Variants in DSCAML1 observed in about 807,000 individuals in gnomAD.
The protein encoded by DSCAML1 is cell adhesion molecule DSCAML1.
A neutral mutation model predicts 200.5 loss-of-function variants in DSCAML1; 38 were observed. The observed-to-expected ratio is 0.19, with a 90% CI of 0.15 to 0.25. DSCAML1 has a LOEUF of 0.25. Ranked by LOEUF, DSCAML1 falls within the 10% of genes least tolerant of loss-of-function variation. The pLI is 1.00. For missense variants in DSCAML1, 2,223 were observed against 2,858.8 expected (o/e 0.78, Z 5.07); for synonymous variants, 1,215 against 1,165.0 (o/e 1.04, Z -0.87).
At chr11:117,643,836 G>A (rs1591356113) in intron 3 of DSCAML1, among the ~76,000 whole-genome samples, 1 of 152,294 alleles carries the variant, frequency 6.6e-6, no homozygotes, top group East Asian at 1.9e-4. Flanking sequence ...TCACCCTCTG[G>A]GGTGAGCTGG....
rs1441959642 is a variant in DSCAML1 at position 117,649,057 on chromosome 11, G to A, written c.512-116535C>T. Among the ~76,000 whole-genome samples, 252 of 151,384 alleles carry A rather than the reference G, an allele frequency of 1.7e-3. 4 individuals carry two copies. The East Asian group carries it at 0.021, about 13-fold the overall frequency. Reference sequence around the variant, plus strand: ...TCCATATATATGTGTGTGTGTGTGTGTGTGTGTGTGTGTGTGTGTGTGTGT... The same window carrying A: ...TCCATATATATGTGTGTGTGTGTGTATGTGTGTGTGTGTGTGTGTGTGTGT... On this transcript the variant is annotated intron_variant, in intron 3 of 32. Coordinates refer to ENST00000651296, the MANE Select transcript of DSCAML1 (RefSeq NM_020693.4).
intron 3 of DSCAML1, among the ~76,000 whole-genome samples, chr11:117,723,349 C>T (rs1050160515): frequency 1.3e-5 from 2 of 151,920 alleles, no homozygotes; most frequent in Non-Finnish European, 2.9e-5. Context: ...GTCCATTAGG[C>T]ATTCATTCCC....
At chr11:117,608,610 G>A (rs552998274) in intron 3 of DSCAML1, among the ~76,000 whole-genome samples, 7 of 152,334 alleles carry the variant, frequency 4.6e-5, no homozygotes, top group African/African-American at 1.7e-4. Flanking sequence ...AGTCCATTGT[G>A]TGGATGTACT....
At chr11:117,749,379 C>T (rs1368816501) in intron 3 of DSCAML1, among the ~76,000 whole-genome samples, 1 of 152,236 alleles carries the variant, frequency 6.6e-6, no homozygotes, top group African/African-American at 2.4e-5. Context: ...TTTCTTTCCT[C>T]ATGGTGGGGT....
intron 1 of DSCAML1, among the ~76,000 whole-genome samples, chr11:117,808,115 C>T (rs1046853965): frequency 2.6e-5 from 4 of 152,268 alleles, no homozygotes; most frequent in East Asian, 1.9e-4. Context: ...CTACCGCGCC[C>T]GGCCTGCAGT....
intron 3 of DSCAML1, among the ~76,000 whole-genome samples, chr11:117,710,513 T>G (rs641569): frequency 0.91 from 138,511 of 152,184 alleles, 63,529 homozygotes; most frequent in Non-Finnish European, 0.97. Context: ...TATACAGCTT[T>G]ATCCTTAGGG....
rs189034265 is a variant in DSCAML1, at chr11:117,549,630, G to A, written c.512-17108C>T. On this transcript the variant is annotated intron_variant, in intron 3 of 32. Coordinates refer to ENST00000651296, the MANE Select transcript of DSCAML1 (RefSeq NM_020693.4). Reference sequence around the variant, plus strand: ...CCTGCACAGTGATTGCGTGATAAACGATTGCTCTCATGATTATGACTTACA... The same window carrying A: ...CCTGCACAGTGATTGCGTGATAAACAATTGCTCTCATGATTATGACTTACA... Among the ~76,000 whole-genome samples the A allele has an allele frequency of 2.1e-4, 32 of 152,292 alleles. No homozygotes were observed. The East Asian group carries it at 2.3e-3, about 11-fold the overall frequency.
At chr11:117,460,508 A>C (rs1252951064) in intron 18 of DSCAML1, among the ~76,000 whole-genome samples, 1 of 152,118 alleles carries the variant, frequency 6.6e-6, no homozygotes, top group Non-Finnish European at 1.5e-5. Flanking sequence ...AACTCATTTT[A>C]GTCCTTTGTG....
chr11:117,685,777 C>T (rs1327860082), intron 3 of DSCAML1, among the ~76,000 whole-genome samples: 1 of 152,110 alleles, frequency 6.6e-6, no homozygotes, highest in African/African-American at 2.4e-5. Flanking sequence ...GCTAGGTAAG[C>T]TGCAGGTTGA....
intron 2 of DSCAML1, among the ~76,000 whole-genome samples, chr11:117,778,279 C>G (rs992936970): frequency 6.6e-6 from 1 of 152,202 alleles, no homozygotes; most frequent in South Asian, 2.1e-4. Flanking sequence ...TTGGGCAGAG[C>G]CCTGCCTCCA....
chr11:117,688,598 T>G (rs2053445611), intron 3 of DSCAML1, among the ~76,000 whole-genome samples: 1 of 152,126 alleles, frequency 6.6e-6, no homozygotes, highest in Non-Finnish European at 1.5e-5. Context: ...TGGGCTGGGC[T>G]CCACCAAGGA....
intron 8 of DSCAML1, among the ~76,000 whole-genome samples, chr11:117,514,572 C>CTTTTTTTTTTTTT (rs532136039): frequency 6.1e-5 from 6 of 98,264 alleles, no homozygotes; most frequent in Admixed American, 1.2e-4. Context: ...TTTTCTTTTT[C>CTTTTTTTTTTTTT]TTTTTTTTTT....
In DSCAML1 at chr11:117,656,145, G is replaced by A. The variant is rs909049020; in HGVS notation, c.511+120646C>T. 2.0e-5 allele frequency among the ~76,000 whole-genome samples: 3 copies of A among 152,238 alleles called. No individual in the cohort carries two copies. In the South Asian group the frequency reaches 6.2e-4, roughly 31 times the overall value. On this transcript the variant is annotated intron_variant, in intron 3 of 32. Coordinates refer to ENST00000651296, the MANE Select transcript of DSCAML1 (RefSeq NM_020693.4). ...CTCAGCCACTCGGGAAGCTGAGGCA[G>A]GAGAATTACTTTAACCCAGAAGGCA...
chr11:117,441,324 G>A (rs2048042380), intron 21 of DSCAML1, among the ~76,000 whole-genome samples: 1 of 152,224 alleles, frequency 6.6e-6, no homozygotes, highest in Non-Finnish European at 1.5e-5. Context: ...ACAGGTGGGT[G>A]CGTGTTCTGG....
At chr11:117,640,363 T>TC in intron 3 of DSCAML1, among the ~76,000 whole-genome samples, 1 of 152,194 alleles carries the variant, frequency 6.6e-6, no homozygotes, top group Admixed American at 6.5e-5. Context: ...CCTGCTTTCA[T>TC]CCTTAGGAAA....
chr11:117,770,075 AC>A (rs2055009480), intron 3 of DSCAML1, among the ~76,000 whole-genome samples: 1 of 151,928 alleles, frequency 6.6e-6, no homozygotes, highest in East Asian at 1.9e-4. Flanking sequence ...CTGGTCACAG[AC>A]TCCAGGGCCT....
chr11:117,680,146 C>T (rs2053287149), intron 3 of DSCAML1, among the ~76,000 whole-genome samples: 1 of 152,224 alleles, frequency 6.6e-6, no homozygotes, highest in Non-Finnish European at 1.5e-5. Flanking sequence ...CCTAGCTCTG[C>T]CATCCAGGTT....
intron 14 of DSCAML1, among the ~76,000 whole-genome samples, chr11:117,476,021 G>A (rs2048785026): frequency 6.6e-6 from 1 of 152,000 alleles, no homozygotes; most frequent in Non-Finnish European, 1.5e-5. Flanking sequence ...TTCCTTTTCA[G>A]TTCTCAGAGT....
intron 3 of DSCAML1, among the ~76,000 whole-genome samples, chr11:117,730,113 C>A (rs563406061): frequency 2.0e-5 from 3 of 152,150 alleles, no homozygotes; most frequent in African/African-American, 7.2e-5. Flanking sequence ...GCAGGAGAAT[C>A]GTTTGAACCC....
Sources: allele counts gnomAD v4.1 joint callset (sites outside exome capture counted in the v4.1 genomes callset), GRCh38; gene constraint gnomAD v4.1.1; transcripts MANE v1.5; gene names NCBI Gene and HGNC (gene_info 2026-07-23, HGNC 2026-07-21).